The following CYP4Z1 variants were observed in gnomAD, a reference collection of about 807,000 sequenced individuals.
CYP4Z1 encodes cytochrome P450 family 4 subfamily Z member 1, also known as cytochrome P450 4Z1.
A neutral mutation model predicts 54.2 loss-of-function variants in CYP4Z1; 41 were observed. That is an observed-to-expected ratio of 0.76 (90% CI 0.59 to 0.98). CYP4Z1 has a LOEUF of 0.98. Among genes scored for constraint, CYP4Z1 ranks in the 50% least tolerant of loss-of-function variants. The pLI is 0.00. For missense variants in CYP4Z1, 513 were observed against 599.0 expected, an observed-to-expected ratio of 0.86 and a Z score of 1.50; for synonymous variants, 163 against 206.2, an observed-to-expected ratio of 0.79 and a Z score of 1.79.
rs551487637 is a variant in CYP4Z1, at chr1:47,087,210, GT to G, written c.772+2239del. Among the ~76,000 whole-genome samples, 7 of 152,196 alleles carry G rather than the reference GT, an allele frequency of 4.6e-5. No individual in the cohort carries two copies. In the Middle Eastern group the frequency reaches 0.014, roughly 296 times the overall value. On this transcript the variant is annotated intron_variant, in intron 6 of 11. Transcript: ENST00000334194. ...TTGGTTCCATATGAACTTTAAAGTA[GT>G]TTTTTTCCAATTCTGTGAAGAAAGT...
In CYP4Z1 at chr1:47,090,633, CTGAG is replaced by C. The variant is rs1477997202; in HGVS notation, c.773-3931_773-3928del. Among the ~76,000 whole-genome samples, 6 of 152,176 alleles carry C rather than the reference CTGAG, an allele frequency of 3.9e-5. No individual in the cohort carries two copies. The East Asian group carries it at 7.7e-4, about 20-fold the overall frequency. ...AGTATCTGGTGAGGTAGGAGAGGGA[CTGAG>C]TAAGATAAGTAGCCGTCACTCAGTT... On this transcript the variant is annotated intron_variant, in intron 6 of 11. Coordinates refer to ENST00000334194, the MANE Select transcript of CYP4Z1 (RefSeq NM_178134.3).
At chr1:47,102,795 C>G (rs988684421) in intron 8 of CYP4Z1, among the ~76,000 whole-genome samples, 1 of 152,082 alleles carries the variant, frequency 6.6e-6, no homozygotes, top group African/African-American at 2.4e-5. Flanking sequence ...GACTGTAATA[C>G]GCTGTAGAGA....
chr1:47,097,620 G>A (rs531976359), intron 7 of CYP4Z1, among the ~76,000 whole-genome samples: 7 of 152,100 alleles, frequency 4.6e-5, no homozygotes, highest in Admixed American at 1.3e-4. Context: ...ATGATTGTAG[G>A]TGTGCAGTTT....
chr1:47,060,525 C>A, the CYP4Z1 span, among the ~76,000 whole-genome samples: 1 of 152,162 alleles, frequency 6.6e-6, no homozygotes, highest in Non-Finnish European at 1.5e-5. Flanking sequence ...AATATATATT[C>A]ATCTAATACA....
the CYP4Z1 span, among the ~76,000 whole-genome samples, chr1:47,057,691 T>C: frequency 6.6e-6 from 1 of 151,808 alleles, no homozygotes; most frequent in Non-Finnish European, 1.5e-5. Flanking sequence ...TTCCTGTCTA[T>C]TCACTCATTA....
chr1:47,100,622 G>A (rs1489886992), intron 8 of CYP4Z1, among the ~76,000 whole-genome samples: 2 of 152,048 alleles, frequency 1.3e-5, no homozygotes, highest in Admixed American at 6.6e-5. Context: ...ACTTAATAAC[G>A]GCCTCAAAGC....
rs375806778 is a variant in CYP4Z1, at chr1:47,115,570, C to G, written c.1243C>G (p.Pro415Ala). ...CAATATTTGGGCTCTTCACCACAAC[C>G]CCTATTTCTGGGAAGACCCTCAGGT... ...FINIWALHHN[P>A]YFWEDPQVFN... The change falls in exon 10 of 12, where the codon CCC (proline) becomes GCC (alanine). Residue 415 changes from proline (P) to alanine (A), a missense_variant. Transcript: ENST00000334194. 36 of 1,613,564 alleles carry G rather than the reference C, an allele frequency of 2.2e-5. No homozygotes were observed. The highest frequency in any genetic ancestry group is 3.1e-5 in the Non-Finnish European group (36 of 1,179,760).
At chr1:47,109,914 A>T (rs1448758571) in intron 9 of CYP4Z1, among the ~76,000 whole-genome samples, 4 of 151,894 alleles carry the variant, frequency 2.6e-5, no homozygotes, top group Non-Finnish European at 5.9e-5. Flanking sequence ...AAAGTTATGA[A>T]TTCTATTTCC....
At chr1:47,107,921 G>A (rs985791821) in intron 9 of CYP4Z1, among the ~76,000 whole-genome samples, 30 of 152,114 alleles carry the variant, frequency 2.0e-4, no homozygotes, top group Admixed American at 5.9e-4. Flanking sequence ...GTTGAGATCC[G>A]CATGGATGTT....
chr1:47,114,489 A>G lies in CYP4Z1; in HGVS notation c.1202-1040A>G, dbSNP rs563060983. Among the ~76,000 whole-genome samples, 6 of 152,352 alleles carry G rather than the reference A, an allele frequency of 3.9e-5. No homozygotes were observed. The South Asian group carries it at 1.2e-3, about 32-fold the overall frequency. ...GAGCTTCTGCACAGCAAAAGAAATTACCATCAGAGTGAACAGGCAACCTAC... is the reference window on the plus strand; with the variant it reads ...GAGCTTCTGCACAGCAAAAGAAATTGCCATCAGAGTGAACAGGCAACCTAC... On this transcript the variant is annotated intron_variant, in intron 9 of 11. Transcript: ENST00000334194.
intron 6 of CYP4Z1, among the ~76,000 whole-genome samples, chr1:47,086,101 C>T (rs2148530852): frequency 6.6e-6 from 1 of 152,184 alleles, no homozygotes; most frequent in Admixed American, 6.5e-5. Context: ...CATTGTTGGA[C>T]ATTTGGCTTG....
At chr1:47,115,391 A>G in intron 9 of CYP4Z1, 138 bp from the exon 10 acceptor site, 1 of 694,056 alleles carries the variant, frequency 1.4e-6, no homozygotes, top group Non-Finnish European at 2.5e-6. Flanking sequence ...GCACATGTAT[A>G]CATATGTAAC....
intron 2 of CYP4Z1, among the ~76,000 whole-genome samples, chr1:47,073,835 A>G (rs1301602717): frequency 1.3e-5 from 2 of 152,138 alleles, no homozygotes; most frequent in Non-Finnish European, 1.5e-5. Flanking sequence ...TTAAATATAT[A>G]TAGTACACAA....
rs137971116 is a variant in CYP4Z1 at position 47,093,964 on chromosome 1, A to T, written c.773-602A>T. Among the ~76,000 whole-genome samples the T allele has an allele frequency of 5.0e-3, 756 of 152,206 alleles. 8 individuals are homozygous for T. Among genetic ancestry groups the T allele is most frequent in the African/African-American group, 0.017 (708 of 41,484 alleles). On this transcript the variant is annotated intron_variant, in intron 6 of 11. Transcript: ENST00000334194. ...GAACTTTGTCATCTACAAAGAGAGA[A>T]AGTTTGATTTCTTATTTTCCTATTT...
chr1:47,096,327 G>C (rs1436294319), intron 7 of CYP4Z1, among the ~76,000 whole-genome samples: 1 of 152,216 alleles, frequency 6.6e-6, no homozygotes, highest in African/African-American at 2.4e-5. Flanking sequence ...TGAGGTGGGA[G>C]GATCACTTGA....
At chr1:47,116,898 GC>G (rs964071275) in intron 11 of CYP4Z1, among the ~76,000 whole-genome samples, 166 bp downstream of exon 11, 11 of 152,110 alleles carry the variant, frequency 7.2e-5, no homozygotes, top group Non-Finnish European at 1.3e-4. Flanking sequence ...ACCCTTTTGA[GC>G]CCCCAAAGGG....
intron 6 of CYP4Z1, among the ~76,000 whole-genome samples, chr1:47,090,317 A>G (rs1189701159): frequency 6.6e-6 from 1 of 152,246 alleles, no homozygotes; most frequent in Non-Finnish European, 1.5e-5. Context: ...TTATAAGGAT[A>G]ATAATTAGGC....
intron 8 of CYP4Z1, among the ~76,000 whole-genome samples, chr1:47,100,804 C>G (rs1644715562): frequency 6.6e-6 from 1 of 152,290 alleles, no homozygotes; most frequent in Admixed American, 6.5e-5. Flanking sequence ...TTCAGGCATC[C>G]ACTGGGGGTT....
chr1:47,104,422 C>T (rs4926788), intron 8 of CYP4Z1, among the ~76,000 whole-genome samples: 65,020 of 151,660 alleles, frequency 0.43, 15,236 homozygotes, highest in East Asian at 0.96. Flanking sequence ...GGCAGACCAA[C>T]TCTTTCCAGG....
Sources: allele counts gnomAD v4.1 joint callset (sites outside exome capture counted in the v4.1 genomes callset), GRCh38; gene constraint gnomAD v4.1.1; transcripts MANE v1.5; gene names NCBI Gene and HGNC (gene_info 2026-07-23, HGNC 2026-07-21).